Variants in CNTN4 observed in about 807,000 individuals in gnomAD.
The protein encoded by CNTN4 is contactin-4.
In CNTN4, 77 loss-of-function variants were observed where a neutral mutation model predicts 122.5. The ratio of observed to expected loss-of-function variants is 0.63; its 90% CI spans 0.52 to 0.76. CNTN4 has a LOEUF of 0.76. CNTN4 is among the 30% of genes least tolerant of loss of function. The pLI is 0.00. For synonymous variants in CNTN4, 512 were observed against 447.0 expected (o/e 1.15, Z -1.83); for missense variants, 1,256 against 1,259.1 (o/e 1.00, Z 0.04).
intron 5 of CNTN4, among the ~76,000 whole-genome samples, chr3:2,739,607 G>GTAAA (rs144052920): frequency 0.21 from 31,697 of 151,868 alleles, 3,492 homozygotes; most frequent in East Asian, 0.31. Flanking sequence ...AAGTAACAGA[G>GTAAA]GAAGCAAAAC....
At chr3:2,557,705 G>A (rs1575983478) in intron 3 of CNTN4, among the ~76,000 whole-genome samples, 1 of 150,320 alleles carries the variant, frequency 6.7e-6, no homozygotes, top group African/African-American at 2.5e-5. Context: ...CTCCAGCCTG[G>A]GCAACACTGC....
At chr3:2,609,006 A>G (rs1483677673) in intron 4 of CNTN4, among the ~76,000 whole-genome samples, 1 of 152,202 alleles carries the variant, frequency 6.6e-6, no homozygotes, top group Non-Finnish European at 1.5e-5. Context: ...CAACAACAGA[A>G]ATTTTTTAAA....
At chr3:2,795,305 G>A (rs2092135882) in intron 6 of CNTN4, among the ~76,000 whole-genome samples, 1 of 152,042 alleles carries the variant, frequency 6.6e-6, no homozygotes, top group Non-Finnish European at 1.5e-5. Context: ...ACCTTTTCCT[G>A]GTGGCATTGG....
chr3:2,577,585 A>G (rs1302653063), intron 4 of CNTN4, among the ~76,000 whole-genome samples: 1 of 152,192 alleles, frequency 6.6e-6, no homozygotes, highest in Non-Finnish European at 1.5e-5. Context: ...CCAGTAATTT[A>G]CAATTCTATC....
chr3:2,481,033 T>TTTTCTTTCTTTCTTTCTTTCTTTC (rs61026362), intron 3 of CNTN4, among the ~76,000 whole-genome samples: 8,450 of 119,884 alleles, frequency 0.07, 507 homozygotes, highest in East Asian at 0.13. Flanking sequence ...TTTCTTTTTC[T>TTTTCTTTCTTTCTTTCTTTCTTTC]TTTCTTTCTT....
At chr3:3,046,216 C>G (rs1416026192) in intron 23 of CNTN4, among the ~76,000 whole-genome samples, 1 of 152,178 alleles carries the variant, frequency 6.6e-6, no homozygotes, top group Admixed American at 6.5e-5. Context: ...AGGATATTAT[C>G]CAGGAGAACT....
intron 3 of CNTN4, chr3:2,362,728 A>G (rs1403081364): frequency 3.0e-6 from 1 of 335,082 alleles, no homozygotes; most frequent in Non-Finnish European, 5.8e-6. Context: ...TGACAGCTCC[A>G]GTGGCCTCCA....
At chr3:2,816,308 C>T (rs1265194507) in intron 6 of CNTN4, among the ~76,000 whole-genome samples, 2 of 148,400 alleles carry the variant, frequency 1.3e-5, no homozygotes, top group Admixed American at 6.6e-5. Context: ...GAGCCGAGAT[C>T]GTGGCACTGC....
At chr3:2,158,640 G>T (rs928379472) in intron 2 of CNTN4, among the ~76,000 whole-genome samples, 1 of 152,148 alleles carries the variant, frequency 6.6e-6, no homozygotes, top group Non-Finnish European at 1.5e-5. Flanking sequence ...ACAGCAGCAG[G>T]TTTCCTTAAT....
intron 13 of CNTN4, among the ~76,000 whole-genome samples, chr3:2,928,443 A>G (rs946365368): frequency 2.0e-5 from 3 of 152,208 alleles, no homozygotes; most frequent in African/African-American, 7.2e-5. Context: ...GATGAAACTG[A>G]TGAGTAAAAA....
intron 13 of CNTN4, among the ~76,000 whole-genome samples, chr3:2,960,638 T>C (rs996364185): frequency 6.6e-6 from 1 of 152,196 alleles, no homozygotes; most frequent in Non-Finnish European, 1.5e-5. Flanking sequence ...ATAAAGTTCA[T>C]TATATGAAAA....
chr3:2,653,479 T>A (rs2083452607), intron 4 of CNTN4, among the ~76,000 whole-genome samples: 1 of 152,094 alleles, frequency 6.6e-6, no homozygotes, highest in Non-Finnish European at 1.5e-5. Context: ...AAAGGAGAAA[T>A]AAGTAAGGTA....
intron 4 of CNTN4, among the ~76,000 whole-genome samples, chr3:2,631,768 C>A (rs770974026): frequency 6.6e-6 from 1 of 150,760 alleles, no homozygotes; most frequent in South Asian, 2.1e-4. Flanking sequence ...ATGACTCACA[C>A]CTGTAATCCC....
intron 2 of CNTN4, among the ~76,000 whole-genome samples, chr3:2,134,053 T>C (rs1449983652): frequency 6.6e-6 from 1 of 152,172 alleles, no homozygotes; most frequent in East Asian, 1.9e-4. Context: ...CCAGCCCATT[T>C]CATGATCCTT....
intron 3 of CNTN4, among the ~76,000 whole-genome samples, chr3:2,388,365 T>G (rs930288017): frequency 1.3e-5 from 2 of 152,212 alleles, no homozygotes; most frequent in Non-Finnish European, 2.9e-5. Context: ...TCTCAGTGGA[T>G]GAAGAGCTGA....
At chr3:2,492,400 A>G (rs1198939306) in intron 3 of CNTN4, among the ~76,000 whole-genome samples, 1 of 152,142 alleles carries the variant, frequency 6.6e-6, no homozygotes, top group African/African-American at 2.4e-5. Flanking sequence ...ATCTAAAGAC[A>G]TTGGAACTGA....
chr3:2,571,441 G>T lies in CNTN4; in HGVS notation c.-63G>T. 4.3e-6 allele frequency: 5 copies of T among 1,154,758 alleles called. No homozygotes were observed. The highest frequency in any genetic ancestry group is 6.6e-6 in the Non-Finnish European group (5 of 761,026). The allele number at this position is 1,154,758 out of a possible 1,614,324, so 71.5% of individuals were successfully genotyped here. ...ATTAAAGGTTATACAAAACTTAAAA[G>T]AAGCAGCAATTCTATTCGCTTGTTA... On this transcript the variant is annotated 5_prime_UTR_variant, in exon 4 of 25. Coordinates refer to ENST00000418658, the MANE Select transcript of CNTN4 (RefSeq NM_175607.3).
chr3:2,704,031 G>A (rs974361778), intron 4 of CNTN4, among the ~76,000 whole-genome samples: 6 of 151,930 alleles, frequency 3.9e-5, no homozygotes, highest in Admixed American at 1.3e-4. Context: ...GGTGGATCAC[G>A]CCTGTAATCC....
intron 2 of CNTN4, among the ~76,000 whole-genome samples, chr3:2,302,549 G>T (rs73807704): frequency 6.6e-6 from 1 of 152,270 alleles, no homozygotes; most frequent in East Asian, 1.9e-4. Flanking sequence ...AACTAAAGTC[G>T]TTGAAATATT....
Sources: gnomAD v4.1 joint callset for allele counts (sites outside exome capture counted in the v4.1 genomes callset) on GRCh38, gnomAD v4.1.1 for gene constraint, MANE v1.5 for transcripts, NCBI Gene and HGNC (gene_info 2026-07-23, HGNC 2026-07-21) for gene names.